TPH2: variants seen among roughly 807,000 people sequenced by gnomAD.
The protein encoded by TPH2 is tryptophan 5-hydroxylase 2.
A neutral mutation model predicts 59.1 loss-of-function variants in TPH2; 27 were observed. The ratio of observed to expected loss-of-function variants is 0.46; its 90% CI spans 0.34 to 0.63. The LOEUF is 0.63. TPH2 is among the 30% of genes least tolerant of loss of function. The pLI, the probability that TPH2 is intolerant of heterozygous loss-of-function variation, is 0.01. For synonymous variants in TPH2, 220 were observed against 210.5 expected (o/e 1.05, Z -0.39); for missense variants, 523 against 588.3 (o/e 0.89, Z 1.15).
chr12:71,973,987 A>G (rs1259354910), intron 6 of TPH2, among the ~76,000 whole-genome samples: 3 of 151,880 alleles, frequency 2.0e-5, no homozygotes, highest in Admixed American at 2.0e-4. Flanking sequence ...GGAAGAGGCA[A>G]AGTTTCACGG....
At chr12:71,961,860 G>A in intron 5 of TPH2, 1 of 1,134,194 alleles carries the variant, frequency 8.8e-7, no homozygotes, top group Non-Finnish European at 1.1e-6. Flanking sequence ...GGCTCCTTAG[G>A]TGCAGTAGTT....
chr12:71,967,651 T>C (rs11179018), intron 5 of TPH2, among the ~76,000 whole-genome samples: 8,020 of 152,278 alleles, frequency 0.053, 354 homozygotes, highest in South Asian at 0.13. Context: ...GCAGGAGACT[T>C]TCTAGATATC....
intron 8 of TPH2, among the ~76,000 whole-genome samples, chr12:72,008,109 T>C (rs1873003817): frequency 1.3e-5 from 2 of 152,160 alleles, no homozygotes; most frequent in South Asian, 2.1e-4. Context: ...AAGGCAAAGA[T>C]AGAAGAAGGC....
chr12:72,009,648 T>C (rs982396037), intron 8 of TPH2, among the ~76,000 whole-genome samples: 6 of 152,250 alleles, frequency 3.9e-5, no homozygotes, highest in African/African-American at 1.4e-4. Flanking sequence ...GTTTGTAGTG[T>C]GTGTTCTTCA....
chr12:72,007,582 T>G (rs925664032), intron 8 of TPH2, among the ~76,000 whole-genome samples: 1 of 152,166 alleles, frequency 6.6e-6, no homozygotes, highest in Non-Finnish European at 1.5e-5. Context: ...AGATGTTGTT[T>G]GCTCTAGTTT....
At chr12:71,985,334 T>TTTGTTG (rs575391023) in intron 7 of TPH2, among the ~76,000 whole-genome samples, 4 of 152,064 alleles carry the variant, frequency 2.6e-5, no homozygotes, top group East Asian at 3.9e-4. Flanking sequence ...GAATAGCATT[T>TTTGTTG]TTGTTGTTGT....
At chr12:71,941,459 C>T in intron 1 of TPH2, 125 bp from the exon 2 acceptor site, 5 of 1,238,168 alleles carry the variant, frequency 4.0e-6, no homozygotes, top group Non-Finnish European at 5.6e-6. Flanking sequence ...GGCAACTTCA[C>T]CTTAAGTTTG....
Position 71,940,328 on chromosome 12 carries a change from C to A in TPH2, c.105+1237C>A, listed in dbSNP as rs193071147. ...ACATACTGTCAAATGTCAATGTCTG[C>A]ATAAACTTCTTCCCTCCCTCAAGTC... On this transcript the variant is annotated intron_variant, in intron 1 of 10. Coordinates refer to ENST00000333850, the MANE Select transcript of TPH2 (RefSeq NM_173353.4). Among the ~76,000 whole-genome samples, 504 of 152,274 alleles carry A rather than the reference C, an allele frequency of 3.3e-3. 1 individual carries two copies. Among genetic ancestry groups the A allele is most frequent in the Non-Finnish European group, 5.8e-3 (396 of 68,012 alleles).
chr12:71,989,091 T>C (rs1362301830), intron 7 of TPH2, among the ~76,000 whole-genome samples: 2 of 127,788 alleles, frequency 1.6e-5, no homozygotes, highest in African/African-American at 5.8e-5. Flanking sequence ...TCCAGGTTCC[T>C]GGCTTTATTA....
At chr12:72,002,466 C>T (rs1203049023) in intron 8 of TPH2, among the ~76,000 whole-genome samples, 1 of 152,104 alleles carries the variant, frequency 6.6e-6, no homozygotes, top group African/African-American at 2.4e-5. Flanking sequence ...GTGGAAGAAC[C>T]GTGGCTACAT....
At chr12:71,975,173 C>A (rs1872082420) in intron 6 of TPH2, among the ~76,000 whole-genome samples, 1 of 152,070 alleles carries the variant, frequency 6.6e-6, no homozygotes, top group Non-Finnish European at 1.5e-5. Context: ...ATGGTGAAAC[C>A]CTGTCTACTG....
Position 72,032,149 on chromosome 12 carries a change from G to T in TPH2, c.*454G>T. 1 of 182,424 alleles carries T rather than the reference G, an allele frequency of 5.5e-6. No homozygotes were observed. Among genetic ancestry groups the T allele is most frequent in the Non-Finnish European group, 1.2e-5 (1 of 85,398 alleles). The allele number at this position is 182,424 out of a possible 1,614,324, so 11.3% of individuals were successfully genotyped here. ...TATTTGAGATAAACCCAGAATTGTAGGAAACTTCCCATCACAATAACAAAG... is the reference window on the plus strand; with the variant it reads ...TATTTGAGATAAACCCAGAATTGTATGAAACTTCCCATCACAATAACAAAG... On this transcript the variant is annotated 3_prime_UTR_variant, in exon 11 of 11. Coordinates refer to ENST00000333850, the MANE Select transcript of TPH2 (RefSeq NM_173353.4).
chr12:72,007,368 C>T (rs1872981855), intron 8 of TPH2, among the ~76,000 whole-genome samples: 2 of 152,146 alleles, frequency 1.3e-5, no homozygotes, highest in Admixed American at 1.3e-4. Context: ...ACTTGTTAAG[C>T]AGATTAGGAG....
intron 4 of TPH2, among the ~76,000 whole-genome samples, chr12:71,948,986 G>A (rs1195628485): frequency 2.0e-5 from 3 of 152,296 alleles, no homozygotes; most frequent in Non-Finnish European, 4.4e-5. Flanking sequence ...AGACTAACTA[G>A]AATTATAAGA....
At chr12:71,950,978 A>G (rs910080704) in intron 5 of TPH2, among the ~76,000 whole-genome samples, 10 of 152,104 alleles carry the variant, frequency 6.6e-5, no homozygotes, top group African/African-American at 1.9e-4. Context: ...GACATTTAGG[A>G]AAACAATGTT....
intron 7 of TPH2, among the ~76,000 whole-genome samples, chr12:71,982,032 T>TTTTTTTTTTTTTTTTTTTG (rs71071810): frequency 1.4e-5 from 2 of 144,340 alleles, no homozygotes; most frequent in African/African-American, 5.2e-5. Flanking sequence ...TTTTTTTTTT[T>TTTTTTTTTTTTTTTTTTTG]AGACAGAGTC....
chr12:71,986,630 CT>C (rs36018735), intron 7 of TPH2, among the ~76,000 whole-genome samples: 83 of 131,358 alleles, frequency 6.3e-4, no homozygotes, highest in South Asian at 5.0e-3. Flanking sequence ...AGCCACCCTT[CT>C]TTTTTTTTTT....
intron 8 of TPH2, among the ~76,000 whole-genome samples, chr12:72,005,097 C>G (rs968445337): frequency 2.6e-5 from 4 of 152,094 alleles, no homozygotes; most frequent in Non-Finnish European, 2.9e-5. Context: ...GGGTGAATTT[C>G]ACACTGGGGA....
At chr12:71,971,650 CAAG>C (rs1871976026) in intron 5 of TPH2, among the ~76,000 whole-genome samples, 1 of 152,188 alleles carries the variant, frequency 6.6e-6, no homozygotes, top group Admixed American at 6.5e-5. Flanking sequence ...AGTCTCAACT[CAAG>C]TTGTGCCTCC....
Sources: allele counts gnomAD v4.1 joint callset (sites outside exome capture counted in the v4.1 genomes callset), GRCh38; gene constraint gnomAD v4.1.1; transcripts MANE v1.5; gene names NCBI Gene and HGNC (gene_info 2026-07-23, HGNC 2026-07-21).